Variants in ARHGEF18 observed in about 807,000 individuals in gnomAD.
ARHGEF18 encodes Rho/Rac guanine nucleotide exchange factor 18.
Under a neutral mutation model 155.7 loss-of-function variants are expected in ARHGEF18, and 93 were observed. The observed-to-expected ratio is 0.60, with a 90% CI of 0.50 to 0.71. The LOEUF (loss-of-function observed/expected upper bound fraction) is 0.71, where lower values mean the gene tolerates loss of function less well. Among genes scored for constraint, ARHGEF18 ranks in the 30% least tolerant of loss-of-function variants. The pLI, the probability that ARHGEF18 is intolerant of heterozygous loss-of-function variation, is 0.00. For synonymous variants in ARHGEF18, 742 were observed against 753.1 expected, an observed-to-expected ratio of 0.99 and a Z score of 0.24; for missense variants, 1,593 against 1,816.1, an observed-to-expected ratio of 0.88 and a Z score of 2.23.
Position 7,409,832 on chromosome 19 carries a change from C to A in ARHGEF18, c.967+26629C>A, listed in dbSNP as rs576335814. On this transcript the variant is annotated intron_variant, in intron 10 of 28. Transcript: ENST00000668164. The stretch of plus-strand genomic sequence containing the variant: ...TCGCCTAGGCTGGAGTGCAGTGGTG[C>A]AACCTCAGCTTACTTACTGCAACCT... 8.6e-4 allele frequency among the ~76,000 whole-genome samples: 122 copies of A among 141,184 alleles called. 1 individual carries two copies. The Admixed American group carries it at 8.9e-3, about 10-fold the overall frequency. The allele number at this position is 141,184 out of a possible 152,430, so 92.6% of individuals were successfully genotyped here.
At chr19:7,400,459 A>G (rs1971976831) in intron 10 of ARHGEF18, among the ~76,000 whole-genome samples, 1 of 152,096 alleles carries the variant, frequency 6.6e-6, no homozygotes, top group Non-Finnish European at 1.5e-5. Context: ...GGCTCAGTTC[A>G]TCATTCTTAT....
chr19:7,447,290 A>T (rs1975060241), intron 15 of ARHGEF18, 122 bp downstream of exon 15: 1 of 882,318 alleles, frequency 1.1e-6, no homozygotes, highest in Admixed American at 2.9e-5. Flanking sequence ...GGAGATCGAG[A>T]CCGTCCTGGC....
At position 7,464,111 on chromosome 19, in the gene ARHGEF18, C is replaced by T. The variant is rs997072411; in HGVS notation, c.2773+156C>T. Among the ~76,000 whole-genome samples the T allele has an allele frequency of 1.3e-5, 2 of 152,202 alleles. 1 individual carries two copies. The highest frequency in any genetic ancestry group is 4.1e-4 in the South Asian group (2 of 4,832). On this transcript the variant is annotated intron_variant, in intron 22 of 28. Transcript: ENST00000668164. ...GGAGTGCAGTGGCGCAATCTCAGCT[C>T]TCTGCAACCTCTGCCTCCTGGGTTC...
intron 10 of ARHGEF18, among the ~76,000 whole-genome samples, chr19:7,415,156 C>A (rs1475081838): frequency 1.3e-5 from 2 of 152,178 alleles, no homozygotes; most frequent in Admixed American, 1.3e-4. Context: ...GACCTTAGTT[C>A]CATCCCTTAT....
chr19:7,357,836 T>A (rs1294095929), intron 1 of ARHGEF18, among the ~76,000 whole-genome samples: 1 of 152,106 alleles, frequency 6.6e-6, no homozygotes, highest in Non-Finnish European at 1.5e-5. Context: ...CCCCATCAAC[T>A]GCCCCCATTA....
chr19:7,470,621 C>G lies in ARHGEF18; in HGVS notation c.*323C>G, dbSNP rs986662850. The G allele has an allele frequency of 2.5e-6, 1 of 396,996 alleles. No individual in the cohort carries two copies. Among genetic ancestry groups the G allele is most frequent in the African/African-American group, 2.1e-5 (1 of 48,488 alleles). 24.6% of individuals were successfully genotyped at this position (396,996 alleles called of 1,614,324 possible). A position where few individuals can be genotyped will look rare whatever the true frequency, so the allele number is the denominator to read the frequency against. On this transcript the variant is annotated 3_prime_UTR_variant, in exon 29 of 29. Coordinates refer to ENST00000668164, the MANE Select transcript of ARHGEF18 (RefSeq NM_001367823.1). The surrounding 1 kb of genome is among the most constrained non-coding windows in gnomAD (Gnocchi z 5.9). ...CACCCCATCCGGGTGGCGGGGAGAT[C>G]AACTCCGAGCTGTTTTTCCGAGGCA...
intron 1 of ARHGEF18, among the ~76,000 whole-genome samples, chr19:7,361,617 C>T (rs943983720): frequency 5.9e-5 from 9 of 152,110 alleles, no homozygotes; most frequent in South Asian, 2.1e-4. Flanking sequence ...ATGGTGAAAA[C>T]GACCCAAATG....
At chr19:7,473,178 T>A (rs1478365914), downstream of ARHGEF18, 4 of 456,280 alleles carry the variant, frequency 8.8e-6, no homozygotes, top group South Asian at 6.2e-5. Flanking sequence ...CCACCTGGTC[T>A]GAGTCCCGGT....
chr19:7,446,394 A>C (rs1025125287), intron 14 of ARHGEF18, among the ~76,000 whole-genome samples: 3 of 151,712 alleles, frequency 2.0e-5, no homozygotes, highest in Non-Finnish European at 4.4e-5. Context: ...AAGAAAATGG[A>C]ATTGCAAATA....
At chr19:7,389,404 C>A (rs1446203504) in intron 10 of ARHGEF18, among the ~76,000 whole-genome samples, 2 of 150,730 alleles carry the variant, frequency 1.3e-5, no homozygotes, top group Admixed American at 6.7e-5. Flanking sequence ...AAGCGATCCA[C>A]CCACCTCAGC....
rs1970831545 is a variant in ARHGEF18 at position 7,383,234 on chromosome 19, GAGGGCA to G, written c.967+32_967+37del. On this transcript the variant is annotated intron_variant, in intron 10 of 28. Transcript: ENST00000668164. The stretch of plus-strand genomic sequence containing the variant: ...TCTGGTGGCCCAATCCATCCTCCTG[GAGGGCA>G]GCCACTTTCTCTTCTTCACGTCCTT... The G allele has an allele frequency of 1.3e-5, 16 of 1,232,210 alleles. No individual in the cohort carries two copies. The South Asian group carries it at 5.8e-4, about 44-fold the overall frequency. 76.3% of individuals were successfully genotyped at this position (1,232,210 alleles called of 1,614,324 possible). A position where few individuals can be genotyped will look rare whatever the true frequency, so the allele number is the denominator to read the frequency against.
intron 10 of ARHGEF18, among the ~76,000 whole-genome samples, chr19:7,403,188 C>T (rs369668786): frequency 5.9e-5 from 9 of 152,274 alleles, no homozygotes; most frequent in African/African-American, 1.4e-4. Context: ...GCAATCCGCC[C>T]GCCTTGGCCT....
At chr19:7,350,386 A>C (rs749980253) in intron 1 of ARHGEF18, among the ~76,000 whole-genome samples, 1 of 152,136 alleles carries the variant, frequency 6.6e-6, no homozygotes, top group African/African-American at 2.4e-5. Flanking sequence ...ATGACAACCA[A>C]AGGAGGTCAG....
intron 10 of ARHGEF18, among the ~76,000 whole-genome samples, chr19:7,427,531 G>C (rs949324765): frequency 2.0e-5 from 3 of 151,676 alleles, no homozygotes; most frequent in African/African-American, 7.3e-5. Flanking sequence ...TGTAGTTCCA[G>C]CTACTTGGGA....
chr19:7,443,828 C>T (rs1482147913), intron 13 of ARHGEF18, among the ~76,000 whole-genome samples: 15 of 151,704 alleles, frequency 9.9e-5, no homozygotes, highest in Admixed American at 9.2e-4. Flanking sequence ...CGCTTGAACC[C>T]GGGAGGCGGA....
intron 1 of ARHGEF18, among the ~76,000 whole-genome samples, chr19:7,349,560 T>C (rs1306120188): frequency 1.3e-5 from 2 of 151,738 alleles, no homozygotes; most frequent in African/African-American, 2.4e-5. Flanking sequence ...GGCGGATCAC[T>C]TGAGGTCAAG....
Position 7,423,050 on chromosome 19 carries a change from AT to A in ARHGEF18, c.968-17285del, listed in dbSNP as rs985381735. 7.9e-5 allele frequency among the ~76,000 whole-genome samples: 12 copies of A among 151,214 alleles called. 1 individual carries two copies. The highest frequency in any genetic ancestry group is 2.6e-4 in the Admixed American group (4 of 15,134). ...ACTTTTCTAAACAGATGTGTAAATAATTTTTTTTTGGAAACATGGCTCATGG... is the reference window on the plus strand; with the variant it reads ...ACTTTTCTAAACAGATGTGTAAATAATTTTTTTTGGAAACATGGCTCATGG... On this transcript the variant is annotated intron_variant, in intron 10 of 28. Coordinates refer to ENST00000668164, the MANE Select transcript of ARHGEF18 (RefSeq NM_001367823.1).
rs548305968 is a variant in ARHGEF18, at chr19:7,378,684, CTTTT to C, written c.599+256_599+259del. The stretch of plus-strand genomic sequence containing the variant: ...ATGTAGCCTTGGGAGACAATTGTGG[CTTTT>C]TTTTTTTTTTTTTTTTTTTTTTGAG... On this transcript the variant is annotated intron_variant, in intron 6 of 28. Coordinates refer to ENST00000668164, the MANE Select transcript of ARHGEF18 (RefSeq NM_001367823.1). Among the ~76,000 whole-genome samples the C allele has an allele frequency of 5.9e-3, 523 of 88,132 alleles. 19 individuals are homozygous for C. Among genetic ancestry groups the C allele is most frequent in the African/African-American group, 0.024 (464 of 19,466 alleles). The allele number at this position is 88,132 out of a possible 152,430, so 57.8% of individuals were successfully genotyped here.
chr19:7,443,597 C>A (rs1055661032), intron 13 of ARHGEF18, among the ~76,000 whole-genome samples: 2 of 152,196 alleles, frequency 1.3e-5, no homozygotes, highest in African/African-American at 2.4e-5. Context: ...GATACTATCA[C>A]CTTTGGGGTT....
Sources: allele counts gnomAD v4.1 joint callset (sites outside exome capture counted in the v4.1 genomes callset), GRCh38; gene constraint gnomAD v4.1.1; non-coding constraint Gnocchi (gnomAD v3.1); transcripts MANE v1.5; gene names NCBI Gene and HGNC (gene_info 2026-07-23, HGNC 2026-07-21).